Variants in DOCK6 observed in about 807,000 individuals in gnomAD.
The protein encoded by DOCK6 is dedicator of cytokinesis protein 6.
Under a neutral mutation model 230.3 loss-of-function variants are expected in DOCK6, and 167 were observed. The observed-to-expected ratio is 0.73, with a 90% CI of 0.64 to 0.82. DOCK6 has a LOEUF of 0.82. Among genes scored for constraint, DOCK6 ranks in the 40% least tolerant of loss-of-function variants. DOCK6 has a pLI of 0.00. For synonymous variants in DOCK6, 1,148 were observed against 1,185.0 expected (o/e 0.97, Z 0.64); for missense variants, 2,598 against 2,825.8 (o/e 0.92, Z 1.83).
intron 23 of DOCK6, among the ~76,000 whole-genome samples, chr19:11,228,560 C>CTTTTTT (rs1044123664): frequency 7.8e-6 from 1 of 128,924 alleles, no homozygotes; most frequent in East Asian, 2.2e-4. Flanking sequence ...GGGCTTCTCT[C>CTTTTTT]TTTTTTTTTT....
rs770957246 is a variant in DOCK6 at position 11,240,210 on chromosome 19, G to T, written c.1643+1835C>A. On this transcript the variant is annotated intron_variant, in intron 14 of 47. Coordinates refer to ENST00000294618, the MANE Select transcript of DOCK6 (RefSeq NM_020812.4). ...GGGGGAGGTGGCCCAGGCACAGAAG[G>T]TGCTACGGGACAGCGTGCAGCGGCT... 2.6e-6 allele frequency: 4 copies of T among 1,563,606 alleles called. No homozygotes were observed. The South Asian group carries it at 4.7e-5, about 18-fold the overall frequency.
In DOCK6 at chr19:11,243,707, T is replaced by C; in HGVS notation, c.1108A>G (p.Lys370Glu). The change falls in exon 11 of 48, where the codon AAA becomes GAA. Residue 370 changes from lysine (K) to glutamate (E), a missense_variant. Coordinates refer to ENST00000294618, the MANE Select transcript of DOCK6 (RefSeq NM_020812.4). The surrounding 1 kb of genome is among the most constrained non-coding windows in gnomAD (Gnocchi z 6.3). ...VLKEVDTAKNKEKLEKLRLAA... is the reference protein window; with the variant it reads ...VLKEVDTAKNEEKLEKLRLAA... The stretch of plus-strand genomic sequence containing the variant: ...AGGCGCAGCTTCTCTAGCTTCTCTT[T>C]GTTCTGTGGGGAGACCCCGTCCCCT... 1.2e-6 allele frequency: 2 copies of C among 1,613,888 alleles called. No homozygotes were observed. The highest frequency in any genetic ancestry group is 2.2e-5 in the South Asian group (2 of 91,054).
At chr19:11,232,518 G>A (rs12978197) in intron 22 of DOCK6, among the ~76,000 whole-genome samples, 1 of 152,156 alleles carries the variant, frequency 6.6e-6, no homozygotes, top group Non-Finnish European at 1.5e-5. Context: ...GTCTGTGCAT[G>A]GGGTGCATGT....
At chr19:11,247,897 G>A in intron 7 of DOCK6, 169 bp downstream of exon 7, 1 of 608,978 alleles carries the variant, frequency 1.6e-6, no homozygotes, top group Non-Finnish European at 3.0e-6. Context: ...TGGAGACTCG[G>A]GATAATGAAA....
rs572602607 is a variant in DOCK6, at chr19:11,202,907, C to T, written c.5236-198G>A. Reference sequence around the variant, plus strand: ...GTTAGGACTGGGGCTGTATTGTTTACGGGTGTGTCCCTAATGCCCGTGGGA... The same window carrying T: ...GTTAGGACTGGGGCTGTATTGTTTATGGGTGTGTCCCTAATGCCCGTGGGA... On this transcript the variant is annotated intron_variant, in intron 41 of 47. Coordinates refer to ENST00000294618, the MANE Select transcript of DOCK6 (RefSeq NM_020812.4). The surrounding 1 kb of genome is among the most constrained non-coding windows in gnomAD (Gnocchi z 5.3). Among the ~76,000 whole-genome samples the T allele has an allele frequency of 5.3e-5, 8 of 152,126 alleles. No individual in the cohort carries two copies. The highest frequency in any genetic ancestry group is 2.1e-4 in the South Asian group (1 of 4,814).
intron 28 of DOCK6, among the ~76,000 whole-genome samples, chr19:11,218,388 C>T (rs561977908): frequency 6.6e-6 from 1 of 152,346 alleles, no homozygotes; most frequent in South Asian, 2.1e-4. Flanking sequence ...CTCGAATGAT[C>T]TGCCCGCCTC....
rs756965986 is a variant in DOCK6, at chr19:11,259,556, C to CTTTTTTTTTTTTTTTTTTT, written c.44+2822_44+2840dup. Among the ~76,000 whole-genome samples, 21 of 103,642 alleles carry CTTTTTTTTTTTTTTTTTTT rather than the reference C, an allele frequency of 2.0e-4. 2 individuals carry two copies. The highest frequency in any genetic ancestry group is 3.1e-4 in the African/African-American group (9 of 28,700). 68.0% of individuals were successfully genotyped at this position (103,642 alleles called of 152,430 possible). On this transcript the variant is annotated intron_variant, in intron 1 of 47. Transcript: ENST00000294618. The stretch of plus-strand genomic sequence containing the variant: ...CCTCCAATGAATCATTATTTCTTTT[C>CTTTTTTTTTTTTTTTTTTT]TTTTTTTTTTTTTTTTTTTGAGATG...
chr19:11,256,574 A>G (rs945031088), intron 1 of DOCK6, among the ~76,000 whole-genome samples: 1 of 152,242 alleles, frequency 6.6e-6, no homozygotes, highest in African/African-American at 2.4e-5. Flanking sequence ...CTTTGCACAC[A>G]GTAAGTGCTC....
In DOCK6 at chr19:11,238,168, C is replaced by G. The variant is rs779736066; in HGVS notation, c.1761+19G>C. 1 of 1,613,816 alleles carries G rather than the reference C, an allele frequency of 6.2e-7. No individual in the cohort carries two copies. The highest frequency in any genetic ancestry group is 8.5e-7 in the Non-Finnish European group (1 of 1,179,752). On this transcript the variant is annotated intron_variant, in intron 15 of 47. Coordinates refer to ENST00000294618, the MANE Select transcript of DOCK6 (RefSeq NM_020812.4). ...ATGGGGGATGCCCTACCCCCCTTCC[C>G]TGGGGCACAGCCACTGACCGGCAGA...
chr19:11,200,862 A>G lies in DOCK6; in HGVS notation c.5833-40T>C, dbSNP rs768350392. 9.9e-6 allele frequency: 16 copies of G among 1,613,418 alleles called. No individual in the cohort carries two copies. In the South Asian group the frequency reaches 1.8e-4, roughly 18 times the overall value. The stretch of plus-strand genomic sequence containing the variant: ...GGACTGGTGAGCCAGCCTGCATGGC[A>G]CCTGGAGTCCCCCGTGCGGCTTGCA... On this transcript the variant is annotated intron_variant, in intron 45 of 47. Transcript: ENST00000294618. The surrounding 1 kb of genome is among the most constrained non-coding windows in gnomAD (Gnocchi z 4.3).
chr19:11,208,646 C>T (rs2079305185), intron 39 of DOCK6, 40 bp downstream of exon 39: 1 of 1,588,170 alleles, frequency 6.3e-7, no homozygotes. Context: ...ACCTCCCTGG[C>T]CCGAGCCCCC....
At position 11,202,531 on chromosome 19, in the gene DOCK6, C is replaced by T; in HGVS notation, c.5362-48G>A. The T allele has an allele frequency of 6.2e-7, 1 of 1,613,738 alleles. No individual in the cohort carries two copies. The highest frequency in any genetic ancestry group is 8.5e-7 in the Non-Finnish European group (1 of 1,179,774). ...GGGCCACCCAGGGACAGCCCCTACT[C>T]CAGCCCCAAGGCAGCCCCATGCCCC... On this transcript the variant is annotated intron_variant, in intron 42 of 47. Transcript: ENST00000294618. This position sits in a 1 kb window ranked among gnomAD's most constrained non-coding sequence, Gnocchi z 5.3.
chr19:11,204,084 C>T lies in DOCK6; in HGVS notation c.5232G>A (p.Trp1744Ter). Reference sequence around the variant, plus strand: ...CTGTCCACCAAGGCTGACTCACCTCCCAGCCGGAACTCTGTGGGGAAGAGA... The same window carrying T: ...CTGTCCACCAAGGCTGACTCACCTCTCAGCCGGAACTCTGTGGGGAAGAGA... Reference protein sequence around the residue: ...FTKIMHQSSGWERVFGTYFRV... With the variant: ...FTKIMHQSSG The change falls in exon 41 of 48, where the codon TGG becomes TGA. Residue 1744 changes from tryptophan (W) to a stop codon, truncating the protein, a stop_gained. Coordinates refer to ENST00000294618, the MANE Select transcript of DOCK6 (RefSeq NM_020812.4). LOFTEE classifies it high-confidence loss of function. The T allele has an allele frequency of 6.5e-7, 1 of 1,538,758 alleles. No individual in the cohort carries two copies. The highest frequency in any genetic ancestry group is 8.8e-7 in the Non-Finnish European group (1 of 1,139,854).
Position 11,222,249 on chromosome 19 carries a change from C to G in DOCK6, c.3241-1G>C, listed in dbSNP as rs538506091. 1.3e-6 allele frequency: 2 copies of G among 1,595,666 alleles called. No homozygotes were observed. The highest frequency in any genetic ancestry group is 1.7e-6 in the Non-Finnish European group (2 of 1,171,436). ...GGGCTTGGCTGGAGAAGGTGGAGCT[C>G]TGCAGAGTGGGGGAAAAATGGGGGA... On this transcript the variant is annotated splice_acceptor_variant, in intron 26 of 47. Transcript: ENST00000294618. LOFTEE classifies it high-confidence loss of function. The surrounding 1 kb of genome is among the most constrained non-coding windows in gnomAD (Gnocchi z 4.0).
chr19:11,255,743 G>A (rs1445284843), intron 1 of DOCK6, among the ~76,000 whole-genome samples: 1 of 152,016 alleles, frequency 6.6e-6, no homozygotes, highest in Non-Finnish European at 1.5e-5. Context: ...GGGTTTTCAG[G>A]GCTTACTCCC....
At chr19:11,218,873 ACTTT>A (rs2079535918) in intron 28 of DOCK6, among the ~76,000 whole-genome samples, 4 of 114,900 alleles carry the variant, frequency 3.5e-5, no homozygotes, top group South Asian at 2.8e-4. Flanking sequence ...AAAAAAAATC[ACTTT>A]TTTTTTTTTT....
intron 24 of DOCK6, among the ~76,000 whole-genome samples, chr19:11,223,849 A>G (rs995761958): frequency 4.6e-5 from 7 of 151,866 alleles, no homozygotes; most frequent in African/African-American, 1.7e-4. Flanking sequence ...GTTTTGCCAT[A>G]TTGGTCAGGC....
chr19:11,238,514 C>G, intron 14 of DOCK6: 1 of 571,710 alleles, frequency 1.7e-6, no homozygotes, highest in Non-Finnish European at 3.1e-6. Context: ...AAGCGAGCAC[C>G]CTAAAAACAC....
chr19:11,224,436 C>T (rs995486080), intron 24 of DOCK6, among the ~76,000 whole-genome samples: 2 of 152,038 alleles, frequency 1.3e-5, no homozygotes, highest in African/African-American at 4.8e-5. Context: ...GTCTCAAACT[C>T]CTGACCTCAG....
Sources: gnomAD v4.1 joint callset for allele counts (sites outside exome capture counted in the v4.1 genomes callset) on GRCh38, gnomAD v4.1.1 for gene constraint, Gnocchi (gnomAD v3.1) non-coding constraint, MANE v1.5 for transcripts, NCBI Gene and HGNC (gene_info 2026-07-23, HGNC 2026-07-21) for gene names.